Variants in TOX observed in about 807,000 individuals in gnomAD.
TOX encodes thymocyte selection associated high mobility group box.
TOX carries 11 observed loss-of-function variants against 53.7 expected under a neutral mutation model. The ratio of observed to expected loss-of-function variants is 0.20; its 90% CI spans 0.13 to 0.34. TOX has a LOEUF of 0.34. Among genes scored for constraint, TOX ranks in the 10% least tolerant of loss-of-function variants. The pLI is 1.00. For missense variants in TOX, 570 were observed against 664.6 expected (o/e 0.86, Z 1.56); for synonymous variants, 225 against 245.3 (o/e 0.92, Z 0.77).
At chr8:59,072,315 C>G (rs1255129475) in intron 1 of TOX, among the ~76,000 whole-genome samples, 1 of 152,158 alleles carries the variant, frequency 6.6e-6, no homozygotes, top group Non-Finnish European at 1.5e-5. Flanking sequence ...AAAAATCTTT[C>G]CGCAATAAAG....
chr8:58,832,427 T>C (rs1251198205), intron 5 of TOX, among the ~76,000 whole-genome samples: 1 of 152,018 alleles, frequency 6.6e-6, no homozygotes, highest in Non-Finnish European at 1.5e-5. Flanking sequence ...GATAAACACA[T>C]GTGTGAATGT....
intron 1 of TOX, among the ~76,000 whole-genome samples, chr8:59,084,091 G>T (rs1157045652): frequency 2.0e-5 from 3 of 152,066 alleles, no homozygotes; most frequent in African/African-American, 4.8e-5. Context: ...ATAGGTTTAA[G>T]TACCTTTCTG....
chr8:58,900,556 C>T (rs1477706910), intron 3 of TOX, among the ~76,000 whole-genome samples: 1 of 152,104 alleles, frequency 6.6e-6, no homozygotes, highest in Non-Finnish European at 1.5e-5. Context: ...TGAACCTACA[C>T]AGAAGATTTG....
At chr8:58,846,702 C>T (rs1028649981) in intron 4 of TOX, among the ~76,000 whole-genome samples, 2 of 152,116 alleles carry the variant, frequency 1.3e-5, no homozygotes, top group East Asian at 3.8e-4. Context: ...AGAGACGACG[C>T]GTGTATTAAA....
intron 1 of TOX, among the ~76,000 whole-genome samples, chr8:59,051,830 C>A (rs952955884): frequency 6.6e-6 from 1 of 152,060 alleles, no homozygotes; most frequent in Non-Finnish European, 1.5e-5. Flanking sequence ...CCAATACTGC[C>A]CTGATTTCAG....
chr8:59,096,389 A>T (rs1804712737), intron 1 of TOX, among the ~76,000 whole-genome samples: 1 of 152,212 alleles, frequency 6.6e-6, no homozygotes, highest in African/African-American at 2.4e-5. Context: ...TAACAATGGT[A>T]ACCAATACAG....
chr8:59,050,516 T>C (rs1312948232), intron 1 of TOX, among the ~76,000 whole-genome samples: 1 of 152,204 alleles, frequency 6.6e-6, no homozygotes, highest in Non-Finnish European at 1.5e-5. Flanking sequence ...AATTATGTAA[T>C]ATTTTATTGA....
intron 3 of TOX, among the ~76,000 whole-genome samples, chr8:58,877,708 G>T (rs921809591): frequency 1.3e-5 from 2 of 152,074 alleles, no homozygotes; most frequent in Non-Finnish European, 2.9e-5. Context: ...GTCTCTTCAG[G>T]CAGAAAGAAA....
chr8:58,822,553 C>G (rs1482616255), intron 6 of TOX, among the ~76,000 whole-genome samples: 1 of 152,210 alleles, frequency 6.6e-6, no homozygotes, highest in African/African-American at 2.4e-5. Flanking sequence ...ACCCACCCAG[C>G]TGGAATAGCA....
chr8:58,970,553 TC>T (rs1484241964), intron 1 of TOX, among the ~76,000 whole-genome samples: 3 of 152,168 alleles, frequency 2.0e-5, no homozygotes, highest in African/African-American at 7.2e-5. Context: ...AGGTAATCCT[TC>T]CCTGACCTCA....
At chr8:58,878,540 C>A (rs1393184591) in intron 3 of TOX, among the ~76,000 whole-genome samples, 6 of 152,136 alleles carry the variant, frequency 3.9e-5, no homozygotes, top group Non-Finnish European at 8.8e-5. Flanking sequence ...AATAATCAGT[C>A]AAGCTCTATT....
chr8:59,055,538 G>T (rs922442369), intron 1 of TOX, among the ~76,000 whole-genome samples: 5 of 152,098 alleles, frequency 3.3e-5, no homozygotes, highest in African/African-American at 1.2e-4. Context: ...ATCTTAAATG[G>T]ACTAAACCAA....
Position 59,050,444 on chromosome 8 carries a change from C to T in TOX, c.102+68442G>A, listed in dbSNP as rs115185044. Reference sequence around the variant, plus strand: ...TATGCCATTAACTCAATACTCAACACGTTTTATTTCTTTGATCTAGTACTT... The same window carrying T: ...TATGCCATTAACTCAATACTCAACATGTTTTATTTCTTTGATCTAGTACTT... On this transcript the variant is annotated intron_variant, in intron 1 of 8. Coordinates refer to ENST00000361421, the MANE Select transcript of TOX (RefSeq NM_014729.3). Among the ~76,000 whole-genome samples the T allele has an allele frequency of 6.3e-4, 96 of 152,064 alleles. 1 individual carries two copies. Among genetic ancestry groups the T allele is most frequent in the African/African-American group, 2.1e-3 (88 of 41,502 alleles).
At chr8:59,065,921 T>C (rs1270259258) in intron 1 of TOX, among the ~76,000 whole-genome samples, 2 of 152,104 alleles carry the variant, frequency 1.3e-5, no homozygotes, top group South Asian at 2.1e-4. Flanking sequence ...ATAACATGCG[T>C]CCATGATTTA....
chr8:59,000,045 A>T lies in TOX; in HGVS notation c.103-40037T>A, dbSNP rs533018597. Among the ~76,000 whole-genome samples the T allele has an allele frequency of 5.3e-5, 8 of 152,358 alleles. No homozygotes were observed. The South Asian group carries it at 1.7e-3, about 32-fold the overall frequency. The stretch of plus-strand genomic sequence containing the variant: ...CTGGATATTTAGTCAAAATGCTAGT[A>T]GTAATATGCATTATTTTAAAAAATA... On this transcript the variant is annotated intron_variant, in intron 1 of 8. Transcript: ENST00000361421.
intron 3 of TOX, among the ~76,000 whole-genome samples, chr8:58,928,728 C>T (rs1353344758): frequency 6.6e-6 from 1 of 151,966 alleles, no homozygotes; most frequent in East Asian, 1.9e-4. Flanking sequence ...GCGTTTTTAG[C>T]AATAAACTTT....
intron 1 of TOX, among the ~76,000 whole-genome samples, chr8:58,998,261 G>T (rs1813598896): frequency 6.6e-6 from 1 of 151,210 alleles, no homozygotes; most frequent in Non-Finnish European, 1.5e-5. Flanking sequence ...GGCTGAGGTG[G>T]GTGGATCACT....
At chr8:59,073,858 G>A (rs1212902404) in intron 1 of TOX, among the ~76,000 whole-genome samples, 1 of 152,058 alleles carries the variant, frequency 6.6e-6, no homozygotes, top group Admixed American at 6.6e-5. Flanking sequence ...TTTCTGTGAG[G>A]CCCTTCACTT....
intron 1 of TOX, among the ~76,000 whole-genome samples, chr8:58,975,254 A>ACACACC (rs1563406337): frequency 1.3e-5 from 2 of 149,148 alleles, no homozygotes; most frequent in African/African-American, 5.0e-5. Context: ...ATACACACAC[A>ACACACC]CACACACACC....
Sources: allele counts gnomAD v4.1 joint callset (sites outside exome capture counted in the v4.1 genomes callset), GRCh38; gene constraint gnomAD v4.1.1; transcripts MANE v1.5; gene names NCBI Gene and HGNC (gene_info 2026-07-23, HGNC 2026-07-21).